The following SLC4A9 variants were observed in gnomAD, a reference collection of about 807,000 sequenced individuals.
SLC4A9 encodes the protein anion exchange protein 4.
SLC4A9 carries 102 observed loss-of-function variants against 103.2 expected under a neutral mutation model. The observed-to-expected ratio is 0.99, with a 90% confidence interval of 0.84 to 1.17. The LOEUF is 1.17. Among genes scored for constraint, SLC4A9 ranks in the 50% most tolerant of loss-of-function variants. The pLI, the probability that SLC4A9 is intolerant of heterozygous loss-of-function variation, is 0.00. For synonymous variants in SLC4A9, 453 were observed against 483.6 expected (o/e 0.94, Z 0.83); for missense variants, 1,091 against 1,193.7 (o/e 0.91, Z 1.27).
chr5:140,367,686 G>A (rs1220071567), intron 15 of SLC4A9, 34 bp from the exon 16 acceptor site: 11 of 1,612,498 alleles, frequency 6.8e-6, no homozygotes, highest in East Asian at 4.5e-5. Flanking sequence ...GCCTGGGCTA[G>A]CTTCATCCTC....
At chr5:140,361,899 C>A (rs775415469) in intron 4 of SLC4A9, 36 bp downstream of exon 4, 1 of 1,613,522 alleles carries the variant, frequency 6.2e-7, no homozygotes, top group South Asian at 1.1e-5. Context: ...TTTCCAGTGG[C>A]TGGGAGAGGG....
chr5:140,372,763 C>A lies in SLC4A9; in HGVS notation c.2845C>A (p.Pro949Thr). The A allele has an allele frequency of 6.3e-7, 1 of 1,580,442 alleles. No individual in the cohort carries two copies. Among genetic ancestry groups the A allele is most frequent in the Non-Finnish European group, 8.6e-7 (1 of 1,162,214 alleles). Residue 949 changes from proline (P) to threonine (T), a missense_variant, in exon 21 of 22, where the codon CCA (proline) becomes ACA (threonine). Coordinates refer to ENST00000506757, the MANE Select transcript of SLC4A9 (RefSeq NM_031467.3). The stretch of plus-strand genomic sequence containing the variant: ...TCCACAGTCAGAGCTGATGTATCAG[C>A]CAAAGGCTCCAGAAATCAACATTTC... ...DSEDSELMYQ[P>T]KAPEINISVN
chr5:140,362,292 G>A (rs964401706), intron 5 of SLC4A9, 118 bp downstream of exon 5: 4 of 1,297,384 alleles, frequency 3.1e-6, no homozygotes, highest in African/African-American at 1.5e-5. Context: ...TGGTGCTCAG[G>A]GGTCTGGGGA....
Position 140,360,382 on chromosome 5 carries a change from G to A in SLC4A9, c.146G>A (p.Gly49Glu). 1 of 1,607,352 alleles carries A rather than the reference G, an allele frequency of 6.2e-7. No homozygotes were observed. Among genetic ancestry groups the A allele is most frequent in the Non-Finnish European group, 8.5e-7 (1 of 1,176,788 alleles). ...TCAGACACAGAGAGCAAGGAACTGG[G>A]AGTACCCAAAGACCCTCTGCTCTTC... Reference protein sequence around the residue: ...GPSDTESKELGVPKDPLLFIQ... With the variant: ...GPSDTESKELEVPKDPLLFIQ... Residue 49 changes from glycine (G) to glutamate (E), a missense_variant, in exon 1 of 22, where the codon GGA (glycine) becomes GAA (glutamate). Gly to Glu is a moderately conservative substitution (Grantham distance 98). Transcript: ENST00000506757.
chr5:140,366,169 G>T lies in SLC4A9; in HGVS notation c.1918G>T (p.Asp640Tyr). ...FPSVVRKGLSDFSSVLAILLG... is the reference protein window; with the variant it reads ...FPSVVRKGLSYFSSVLAILLG... The stretch of plus-strand genomic sequence containing the variant: ...GTGCCAGGTGCGCAAAGGGCTCAGC[G>T]ACTTCTCCTCAGTCCTGGCCATCCT... Residue 640 changes from aspartate (D) to tyrosine (Y), a missense_variant, in exon 14 of 22, where the codon GAC (aspartate) becomes TAC (tyrosine). Asp to Tyr is a radical substitution (Grantham distance 160, BLOSUM62 -3). Coordinates refer to ENST00000506757, the MANE Select transcript of SLC4A9 (RefSeq NM_031467.3). 2.5e-6 allele frequency: 4 copies of T among 1,613,364 alleles called. No homozygotes were observed. The highest frequency in any genetic ancestry group is 3.4e-6 in the Non-Finnish European group (4 of 1,179,538).
At position 140,371,564 on chromosome 5, in the gene SLC4A9, C is replaced by A. The variant is rs747360807; in HGVS notation, c.2610C>A (p.Ala870=). 17 of 1,614,046 alleles carry A rather than the reference C, an allele frequency of 1.1e-5. No homozygotes were observed. In the South Asian group the frequency reaches 1.8e-4, roughly 17 times the overall value. The change falls in exon 19 of 22, where the codon GCC becomes GCA. Residue 870 remains alanine (A), a synonymous_variant. Coordinates refer to ENST00000506757, the MANE Select transcript of SLC4A9 (RefSeq NM_031467.3). ...RVHLFTAIQL[A]CLGLLWIIKS... ...ACCTCTTCACAGCCATCCAGCTTGCCTGTCTGGGGCTGCTTTGGATAATCA... is the reference window on the plus strand; with the variant it reads ...ACCTCTTCACAGCCATCCAGCTTGCATGTCTGGGGCTGCTTTGGATAATCA...
In SLC4A9 at chr5:140,363,332, C is replaced by A; in HGVS notation, c.963-107C>A. On this transcript the variant is annotated intron_variant, in intron 7 of 21. Coordinates refer to ENST00000506757, the MANE Select transcript of SLC4A9 (RefSeq NM_031467.3). The surrounding 1 kb of genome is among the most constrained non-coding windows in gnomAD (Gnocchi z 4.5). ...CCAGGTGTCGCCATGGTTCCCTCGC[C>A]GGCAGAGACAAGAGCAGCCGCTAGG... 1 of 1,106,720 alleles carries A rather than the reference C, an allele frequency of 9.0e-7. No individual in the cohort carries two copies. Among genetic ancestry groups the A allele is most frequent in the African/African-American group, 1.6e-5 (1 of 63,378 alleles). The allele number at this position is 1,106,720 out of a possible 1,614,324, so 68.6% of individuals were successfully genotyped here.
At chr5:140,372,138 G>T (rs1177836022) in intron 19 of SLC4A9, 104 bp from the exon 20 acceptor site, 1 of 1,029,176 alleles carries the variant, frequency 9.7e-7, no homozygotes, top group Non-Finnish European at 1.4e-6. Flanking sequence ...CAGTGAAACT[G>T]ATATACAATG....
In SLC4A9 at chr5:140,363,639, G is replaced by A; in HGVS notation, c.1079+84G>A. 23 of 1,579,114 alleles carry A rather than the reference G, an allele frequency of 1.5e-5. No individual in the cohort carries two copies. Among genetic ancestry groups the A allele is most frequent in the Non-Finnish European group, 1.9e-5 (22 of 1,160,540 alleles). On this transcript the variant is annotated intron_variant, in intron 8 of 21. Transcript: ENST00000506757. The surrounding 1 kb of genome is among the most constrained non-coding windows in gnomAD (Gnocchi z 4.5). Reference sequence around the variant, plus strand: ...GGAAACTGAGGTGTGTGCTCACTGTGGGAGGGGCTCACCCGGTCACAGGGA... The same window carrying A: ...GGAAACTGAGGTGTGTGCTCACTGTAGGAGGGGCTCACCCGGTCACAGGGA...
At chr5:140,361,450 G>T in intron 3 of SLC4A9, 83 bp downstream of exon 3, 1 of 1,156,164 alleles carries the variant, frequency 8.6e-7, no homozygotes, top group Non-Finnish European at 1.2e-6. Context: ...AGGGCTAGAA[G>T]TAGCCCAGGC....
chr5:140,372,207 G>A, intron 19 of SLC4A9, 35 bp from the exon 20 acceptor site: 1 of 1,509,032 alleles, frequency 6.6e-7, no homozygotes, highest in Non-Finnish European at 8.8e-7. Context: ...TACTACTGTT[G>A]CTGACAGGCC....
In SLC4A9 at chr5:140,363,591, C is replaced by T. The variant is rs1292352037; in HGVS notation, c.1079+36C>T. On this transcript the variant is annotated intron_variant, in intron 8 of 21. Transcript: ENST00000506757. The surrounding 1 kb of genome is among the most constrained non-coding windows in gnomAD (Gnocchi z 4.5). ...CTGGGAGGAAACAAGGGTAGGTGAC[C>T]TGGGGGAGGGGAGGAGTCACAGGGA... 2 of 1,553,328 alleles carry T rather than the reference C, an allele frequency of 1.3e-6. No homozygotes were observed. The highest frequency in any genetic ancestry group is 1.7e-6 in the Non-Finnish European group (2 of 1,147,840).
rs1428043965 is a variant in SLC4A9, at chr5:140,363,620, T to C, written c.1079+65T>C. The C allele has an allele frequency of 6.4e-7, 1 of 1,563,788 alleles. No individual in the cohort carries two copies. The highest frequency in any genetic ancestry group is 2.4e-5 in the East Asian group (1 of 42,424). On this transcript the variant is annotated intron_variant, in intron 8 of 21. Coordinates refer to ENST00000506757, the MANE Select transcript of SLC4A9 (RefSeq NM_031467.3). This position sits in a 1 kb window ranked among gnomAD's most constrained non-coding sequence, Gnocchi z 4.5. The stretch of plus-strand genomic sequence containing the variant: ...GGGAGGGGAGGAGTCACAGGGAAAC[T>C]GAGGTGTGTGCTCACTGTGGGAGGG...
intron 19 of SLC4A9, 45 bp from the exon 20 acceptor site, chr5:140,372,197 T>TA (rs1768822958): frequency 6.7e-7 from 1 of 1,482,842 alleles, no homozygotes; most frequent in Non-Finnish European, 9.0e-7. Context: ...TTAATGTTCC[T>TA]ACTACTGTTG....
chr5:140,369,941 G>A (rs1353644930), intron 17 of SLC4A9, among the ~76,000 whole-genome samples: 1 of 152,040 alleles, frequency 6.6e-6, no homozygotes, highest in Non-Finnish European at 1.5e-5. Context: ...GGTCTAGGCT[G>A]CAATGAGCCA....
At chr5:140,362,264 C>T in intron 5 of SLC4A9, 90 bp downstream of exon 5, 1 of 1,387,802 alleles carries the variant, frequency 7.2e-7, no homozygotes, top group South Asian at 1.5e-5. Flanking sequence ...GTCTGATTCT[C>T]TGAGGCTGTG....
At position 140,361,871 on chromosome 5, in the gene SLC4A9, G is replaced by A. The variant is rs1031260493; in HGVS notation, c.561+8G>A. On this transcript the variant is annotated splice_region_variant and intron_variant, in intron 4 of 21. Transcript: ENST00000506757. The stretch of plus-strand genomic sequence containing the variant: ...GCCCCCCTGAGGGAACAGGTTTGTG[G>A]CCCTTCCTTGGGGTCCCTTTCCAGT... 1 of 1,613,502 alleles carries A rather than the reference G, an allele frequency of 6.2e-7. No homozygotes were observed. The highest frequency in any genetic ancestry group is 2.2e-5 in the East Asian group (1 of 44,888).
chr5:140,361,424 C>A, intron 3 of SLC4A9, 57 bp downstream of exon 3: 2 of 1,369,112 alleles, frequency 1.5e-6, no homozygotes, highest in Non-Finnish European at 2.0e-6. Context: ...GGTCTCAGAT[C>A]TCCCCTGCAC....
Position 140,372,328 on chromosome 5 carries a change from G to C in SLC4A9, c.2757G>C (p.Glu919Asp), listed in dbSNP as rs781027126. ...TCTGGCTGGATGAGCTGATGCCAGA[G>C]GAGGAGAGAAGCATCCCTGAGAAGG... The part of the protein sequence containing the change: ...ELLWLDELMP[E>D]EERSIPEKGL... Residue 919 changes from glutamate (E) to aspartate (D), a missense_variant, in exon 20 of 22, where the codon GAG becomes GAC. Coordinates refer to ENST00000506757, the MANE Select transcript of SLC4A9 (RefSeq NM_031467.3). 2 of 1,610,202 alleles carry C rather than the reference G, an allele frequency of 1.2e-6. No homozygotes were observed. The highest frequency in any genetic ancestry group is 1.3e-5 in the African/African-American group (1 of 74,642).
Sources: gnomAD v4.1 joint callset for allele counts (sites outside exome capture counted in the v4.1 genomes callset) on GRCh38, gnomAD v4.1.1 for gene constraint, Gnocchi (gnomAD v3.1) non-coding constraint, MANE v1.5 for transcripts, NCBI Gene and HGNC (gene_info 2026-07-23, HGNC 2026-07-21) for gene names.